Variants in SORCS3 observed in about 807,000 individuals in gnomAD.
SORCS3 encodes sortilin related VPS10 domain containing receptor 3.
A neutral mutation model predicts 146.3 loss-of-function variants in SORCS3; 57 were observed. The ratio of observed to expected loss-of-function variants is 0.39; its 90% CI spans 0.31 to 0.49. The LOEUF is 0.49. SORCS3 is among the 20% of genes least tolerant of loss of function. SORCS3 has a pLI of 0.92. For missense variants in SORCS3, 1,341 were observed against 1,575.5 expected, an observed-to-expected ratio of 0.85 and a Z score of 2.52; for synonymous variants, 653 against 618.5, an observed-to-expected ratio of 1.06 and a Z score of -0.83.
intron 14 of SORCS3, among the ~76,000 whole-genome samples, chr10:105,199,786 T>C (rs566538761): frequency 3.9e-5 from 6 of 152,312 alleles, no homozygotes; most frequent in African/African-American, 7.2e-5. Flanking sequence ...TAAAAAATGG[T>C]TGATTTAAAA....
intron 3 of SORCS3, among the ~76,000 whole-genome samples, chr10:104,956,275 T>C (rs2019489098): frequency 6.6e-6 from 1 of 152,212 alleles, no homozygotes; most frequent in African/African-American, 2.4e-5. Context: ...TTTGTCTCAG[T>C]AATGGATTAC....
intron 2 of SORCS3, among the ~76,000 whole-genome samples, chr10:104,871,809 G>A (rs995828863): frequency 6.6e-6 from 1 of 152,158 alleles, no homozygotes; most frequent in Non-Finnish European, 1.5e-5. Context: ...GTCGAGGTGA[G>A]GGCAGGGAGT....
At chr10:104,824,154 A>G (rs1360872598) in intron 1 of SORCS3, among the ~76,000 whole-genome samples, 1 of 152,216 alleles carries the variant, frequency 6.6e-6, no homozygotes, top group South Asian at 2.1e-4. Context: ...TAACTGTGAA[A>G]TGATACATTT....
At chr10:104,805,820 A>G (rs745347040) in intron 1 of SORCS3, among the ~76,000 whole-genome samples, 3 of 150,846 alleles carry the variant, frequency 2.0e-5, no homozygotes, top group Non-Finnish European at 4.4e-5. Flanking sequence ...CATACCTCAC[A>G]CTCTCTACCC....
intron 19 of SORCS3, among the ~76,000 whole-genome samples, chr10:105,219,503 A>G (rs770399523): frequency 6.6e-5 from 10 of 152,204 alleles, no homozygotes; most frequent in African/African-American, 1.2e-4. Flanking sequence ...GTTTAGGCAG[A>G]GTGAACCACT....
In SORCS3 at chr10:105,219,318, G is replaced by A. The variant is rs191962750; in HGVS notation, c.2734+2196G>A. On this transcript the variant is annotated intron_variant, in intron 19 of 26. Transcript: ENST00000369701. The stretch of plus-strand genomic sequence containing the variant: ...GTCACACAGGACACTCCTTTATCCA[G>A]CAATGAGTTGTAACATGTATAAAAA... Among the ~76,000 whole-genome samples the A allele has an allele frequency of 6.1e-3, 923 of 152,274 alleles. 4 individuals carry two copies. Among genetic ancestry groups the A allele is most frequent in the Non-Finnish European group, 0.011 (726 of 68,026 alleles).
At chr10:104,761,548 T>G (rs1364757079) in intron 1 of SORCS3, among the ~76,000 whole-genome samples, 1 of 152,172 alleles carries the variant, frequency 6.6e-6, no homozygotes, top group African/African-American at 2.4e-5. Context: ...AATTTTTATT[T>G]TCCTGAAATC....
intron 5 of SORCS3, among the ~76,000 whole-genome samples, chr10:105,043,554 T>A (rs550847406): frequency 6.6e-6 from 1 of 152,166 alleles, no homozygotes; most frequent in South Asian, 2.1e-4. Flanking sequence ...TTCCACAAAA[T>A]GCTTCTTCTT....
At chr10:104,825,024 G>A (rs1203141532) in intron 1 of SORCS3, among the ~76,000 whole-genome samples, 1 of 152,236 alleles carries the variant, frequency 6.6e-6, no homozygotes, top group Non-Finnish European at 1.5e-5. Context: ...TCCACACAAA[G>A]CAAGCATTGG....
chr10:104,685,728 T>C (rs2016036200), intron 1 of SORCS3, among the ~76,000 whole-genome samples: 1 of 152,212 alleles, frequency 6.6e-6, no homozygotes, highest in African/African-American at 2.4e-5. Flanking sequence ...CGATTAGTGT[T>C]TTGGGAAGGT....
rs112264220 is a variant in SORCS3 at position 105,036,933 on chromosome 10, A to G, written c.955-6122A>G. Among the ~76,000 whole-genome samples the G allele has an allele frequency of 9.4e-3, 1,435 of 152,300 alleles. 18 individuals are homozygous for G. The highest frequency in any genetic ancestry group is 0.032 in the African/African-American group (1,337 of 41,578). On this transcript the variant is annotated intron_variant, in intron 4 of 26. Coordinates refer to ENST00000369701, the MANE Select transcript of SORCS3 (RefSeq NM_014978.3). ...TTGAGTAAAGAATCAGCACAGTTAT[A>G]CATTAAGTTTAACTTTCCTATGAGG...
Position 105,247,343 on chromosome 10 carries a change from T to A in SORCS3, c.3105+12T>A. On this transcript the variant is annotated intron_variant, in intron 22 of 26. Transcript: ENST00000369701. ...GAGCTCTGGTTAAAGTAAGTTGGCT[T>A]TGTCTTTTTTTAAGTTCTTGTGAAT... is the stretch of plus-strand genomic sequence containing the variant. 6.7e-7 allele frequency: 1 copy of A among 1,490,494 alleles called. No individual in the cohort carries two copies. The highest frequency in any genetic ancestry group is 9.3e-7 in the Non-Finnish European group (1 of 1,070,302). The allele number at this position is 1,490,494 out of a possible 1,614,324, so 92.3% of individuals were successfully genotyped here.
chr10:105,125,966 G>A (rs911797811), intron 7 of SORCS3, among the ~76,000 whole-genome samples: 2 of 152,060 alleles, frequency 1.3e-5, no homozygotes, highest in Non-Finnish European at 2.9e-5. Flanking sequence ...TCTAGGCTTG[G>A]TTGCTGTGTT....
At chr10:104,804,726 C>T (rs981571458) in intron 1 of SORCS3, among the ~76,000 whole-genome samples, 1 of 152,144 alleles carries the variant, frequency 6.6e-6, no homozygotes, top group Non-Finnish European at 1.5e-5. Context: ...AAACTCCTGG[C>T]AGAGATAGAA....
intron 3 of SORCS3, among the ~76,000 whole-genome samples, chr10:104,957,904 T>TA: frequency 6.6e-6 from 1 of 152,086 alleles, no homozygotes; most frequent in East Asian, 1.9e-4. Context: ...CAAAACACCC[T>TA]AAAAAACCCA....
At chr10:104,799,774 C>T (rs1300657942) in intron 1 of SORCS3, among the ~76,000 whole-genome samples, 1 of 151,886 alleles carries the variant, frequency 6.6e-6, no homozygotes, top group Non-Finnish European at 1.5e-5. Context: ...CTCCCGGGTT[C>T]ACGCTATTCT....
At chr10:105,129,662 TAC>T (rs71022754) in intron 7 of SORCS3, among the ~76,000 whole-genome samples, 2,812 of 147,796 alleles carry the variant, frequency 0.019, 77 homozygotes, top group African/African-American at 0.055. Flanking sequence ...CCCACTCAAA[TAC>T]ACACACACAC....
chr10:105,130,824 C>T (rs1323118554), intron 7 of SORCS3, among the ~76,000 whole-genome samples: 1 of 152,098 alleles, frequency 6.6e-6, no homozygotes, highest in Non-Finnish European at 1.5e-5. Flanking sequence ...GAGCAAACAC[C>T]AGTTAGACAA....
At chr10:104,727,091 A>G (rs1338249498) in intron 1 of SORCS3, among the ~76,000 whole-genome samples, 1 of 152,176 alleles carries the variant, frequency 6.6e-6, no homozygotes, top group African/African-American at 2.4e-5. Context: ...ACTGTAATTA[A>G]TTTGAGGATG....
Sources: gnomAD v4.1 joint callset for allele counts (sites outside exome capture counted in the v4.1 genomes callset) on GRCh38, gnomAD v4.1.1 for gene constraint, MANE v1.5 for transcripts, NCBI Gene and HGNC (gene_info 2026-07-23, HGNC 2026-07-21) for gene names.